The following CCDC73 variants were observed in gnomAD, a reference collection of about 807,000 sequenced individuals.
The protein encoded by CCDC73 is coiled-coil domain containing 73.
In CCDC73, 95 loss-of-function variants were observed where a neutral mutation model predicts 116.5. The observed-to-expected ratio is 0.82, with a 90% CI of 0.69 to 0.97. The LOEUF (loss-of-function observed/expected upper bound fraction) is 0.97, where lower values mean the gene tolerates loss of function less well. Among genes scored for constraint, CCDC73 ranks in the 50% least tolerant of loss-of-function variants. CCDC73 has a pLI of 0.00. For missense variants in CCDC73, 1,066 were observed against 1,206.8 expected, an observed-to-expected ratio of 0.88 and a Z score of 1.73; for synonymous variants, 398 against 401.3, an observed-to-expected ratio of 0.99 and a Z score of 0.10.
chr11:32,615,799 A>C, intron 15 of CCDC73, 141 bp downstream of exon 15: 3 of 812,212 alleles, frequency 3.7e-6, no homozygotes, highest in Non-Finnish European at 5.5e-6. Flanking sequence ...ATTCTCAGCA[A>C]AACAGTGAAG....
chr11:32,675,647 G>T lies in CCDC73; in HGVS notation c.566-3C>A. ...GTTTGATTGTATTGCTTCCCGTACT[G>T]CAACATGAAAGACATTTAAGAAAGC... On this transcript the variant is annotated splice_polypyrimidine_tract_variant and splice_region_variant and intron_variant, in intron 8 of 17. Coordinates refer to ENST00000335185, the MANE Select transcript of CCDC73 (RefSeq NM_001008391.4). The T allele has an allele frequency of 6.3e-7, 1 of 1,578,450 alleles. No individual in the cohort carries two copies. The highest frequency in any genetic ancestry group is 8.6e-7 in the Non-Finnish European group (1 of 1,166,684).
chr11:32,647,217 G>C (rs1220223081), intron 12 of CCDC73, among the ~76,000 whole-genome samples: 1 of 152,154 alleles, frequency 6.6e-6, no homozygotes, highest in Non-Finnish European at 1.5e-5. Flanking sequence ...CTTCTGGTGA[G>C]GCCTAAGGAA....
At chr11:32,710,705 G>T (rs916238093) in intron 3 of CCDC73, among the ~76,000 whole-genome samples, 15 of 152,128 alleles carry the variant, frequency 9.9e-5, no homozygotes, top group African/African-American at 3.4e-4. Flanking sequence ...AAGTCCATTT[G>T]TTCTAGGGTA....
Position 32,760,233 on chromosome 11 carries a change from T to G in CCDC73, c.11A>C (p.Asn4Thr), listed in dbSNP as rs759036559. Residue 4 changes from asparagine (N) to threonine (T), a missense_variant, in exon 2 of 18, where the codon AAC (asparagine) becomes ACC (threonine). Coordinates refer to ENST00000335185, the MANE Select transcript of CCDC73 (RefSeq NM_001008391.4). Reference protein sequence around the residue: MESNFNTESSSTFT... With the variant: MESTFNTESSSTFT... The stretch of plus-strand genomic sequence containing the variant: ...AGTAGATGATGACTCAGTATTGAAG[T>G]TGCTTTCCATATTAATATTTATTTC... 34 of 1,555,746 alleles carry G rather than the reference T, an allele frequency of 2.2e-5. No homozygotes were observed. The highest frequency in any genetic ancestry group is 8.1e-5 in the Admixed American group (4 of 49,396).
intron 7 of CCDC73, among the ~76,000 whole-genome samples, chr11:32,676,782 G>A (rs1856092928): frequency 6.6e-6 from 1 of 152,122 alleles, no homozygotes; most frequent in Admixed American, 6.5e-5. Flanking sequence ...AGACCCCATC[G>A]CTAAAAGAGA....
chr11:32,787,367 A>C (rs994981313), intron 1 of CCDC73, among the ~76,000 whole-genome samples: 7 of 152,346 alleles, frequency 4.6e-5, no homozygotes, highest in Admixed American at 2.0e-4. Flanking sequence ...TCAGTTTCAC[A>C]CTATCATTTC....
intron 3 of CCDC73, among the ~76,000 whole-genome samples, chr11:32,717,489 G>A (rs746213320): frequency 5.3e-5 from 8 of 152,114 alleles, no homozygotes; most frequent in African/African-American, 1.4e-4. Context: ...TCACAGTGCC[G>A]TATCAAAAAG....
intron 14 of CCDC73, among the ~76,000 whole-genome samples, chr11:32,617,743 G>A (rs769220205): frequency 5.9e-5 from 9 of 152,210 alleles, no homozygotes; most frequent in African/African-American, 9.7e-5. Flanking sequence ...TTCCTTGAGC[G>A]AGAAAACAGG....
intron 14 of CCDC73, 89 bp from the exon 15 acceptor site, chr11:32,616,218 T>G: frequency 3.8e-6 from 5 of 1,303,088 alleles, no homozygotes; most frequent in Non-Finnish European, 5.2e-6. Context: ...AATCTGTGTT[T>G]CAGTTCAACC....
At chr11:32,688,232 C>A (rs1856223264) in intron 6 of CCDC73, among the ~76,000 whole-genome samples, 2 of 152,222 alleles carry the variant, frequency 1.3e-5, no homozygotes, top group East Asian at 3.9e-4. Flanking sequence ...ATTGAACTAT[C>A]TGATAGGATT....
intron 2 of CCDC73, among the ~76,000 whole-genome samples, chr11:32,723,423 C>T (rs931206879): frequency 1.1e-4 from 17 of 152,260 alleles, no homozygotes; most frequent in African/African-American, 3.9e-4. Context: ...GACCAAGAAA[C>T]TATCTGGAAG....
chr11:32,734,272 A>G (rs549196053), intron 2 of CCDC73, among the ~76,000 whole-genome samples: 2 of 152,306 alleles, frequency 1.3e-5, no homozygotes, highest in East Asian at 3.9e-4. Flanking sequence ...AATTGCGGTA[A>G]TAATTAACAG....
At chr11:32,780,199 A>G (rs1358021523) in intron 1 of CCDC73, among the ~76,000 whole-genome samples, 1 of 152,118 alleles carries the variant, frequency 6.6e-6, no homozygotes, top group Non-Finnish European at 1.5e-5. Context: ...ACTCGAACCC[A>G]GGAGGCAGAG....
intron 13 of CCDC73, among the ~76,000 whole-genome samples, chr11:32,636,414 T>C (rs938180283): frequency 2.0e-4 from 30 of 152,112 alleles, no homozygotes; most frequent in African/African-American, 7.0e-4. Context: ...TTTATATCCA[T>C]AAATTAGACT....
the CCDC73 span, among the ~76,000 whole-genome samples, chr11:32,806,386 G>A: frequency 2.6e-5 from 4 of 152,166 alleles, no homozygotes; most frequent in African/African-American, 9.7e-5. Context: ...TTGGGAGGCT[G>A]AGGCGGGTGG....
intron 1 of CCDC73, among the ~76,000 whole-genome samples, chr11:32,776,995 A>G (rs1311819587): frequency 4.4e-5 from 2 of 45,358 alleles, no homozygotes; most frequent in East Asian, 2.7e-4. Context: ...ACATGTATAT[A>G]TATATATATA....
intron 2 of CCDC73, chr11:32,758,344 C>A: frequency 4.0e-6 from 2 of 504,802 alleles, no homozygotes. Flanking sequence ...TCCCAAACCC[C>A]TGGTAATAGA....
At chr11:32,709,472 T>G (rs1849881215) in intron 3 of CCDC73, among the ~76,000 whole-genome samples, 1 of 152,140 alleles carries the variant, frequency 6.6e-6, no homozygotes, top group African/African-American at 2.4e-5. Flanking sequence ...AATTGTTGTA[T>G]TTTCAGTAGA....
chr11:32,790,100 A>G lies in CCDC73; in HGVS notation c.-16+4513T>C, dbSNP rs145982126. ...GTAGGGAGATTGAAGTCTAACAGGTAAGGCTGAGAGAAGATGAGATGAGGC... is the reference window on the plus strand; with the variant it reads ...GTAGGGAGATTGAAGTCTAACAGGTGAGGCTGAGAGAAGATGAGATGAGGC... On this transcript the variant is annotated intron_variant, in intron 1 of 17. Coordinates refer to ENST00000335185, the MANE Select transcript of CCDC73 (RefSeq NM_001008391.4). Among the ~76,000 whole-genome samples the G allele has an allele frequency of 3.6e-3, 539 of 151,542 alleles. 6 individuals are homozygous for G. Among genetic ancestry groups the G allele is most frequent in the African/African-American group, 0.013 (520 of 41,370 alleles).
Sources: gnomAD v4.1 joint callset for allele counts (sites outside exome capture counted in the v4.1 genomes callset) on GRCh38, gnomAD v4.1.1 for gene constraint, MANE v1.5 for transcripts, NCBI Gene and HGNC (gene_info 2026-07-23, HGNC 2026-07-21) for gene names.